Variants in NDUFAF6 observed in about 807,000 individuals in gnomAD.
The protein encoded by NDUFAF6 is NADH dehydrogenase (ubiquinone) complex I, assembly factor 6.
In NDUFAF6, 45 loss-of-function variants were observed where a neutral mutation model predicts 40.8. The ratio of observed to expected loss-of-function variants is 1.10; its 90% CI spans 0.87 to 1.42. NDUFAF6 has a LOEUF of 1.42. NDUFAF6 is among the 40% of genes most tolerant of loss of function. The pLI is 0.00. For synonymous variants in NDUFAF6, 185 were observed against 155.9 expected (o/e 1.19, Z -1.39); for missense variants, 435 against 418.5 (o/e 1.04, Z -0.34).
intron 1 of NDUFAF6, chr8:94,926,946 A>C (rs561681972): frequency 6.6e-6 from 1 of 152,374 alleles, no homozygotes; most frequent in South Asian, 2.1e-4. Context: ...GGCTGATGGC[A>C]GTGAAACCAT....
Position 94,931,625 on chromosome 8 carries a change from A to G in NDUFAF6, c.-935-13858A>G, listed in dbSNP as rs556470200. 2.3e-5 allele frequency among the ~76,000 whole-genome samples: 3 copies of G among 127,872 alleles called. No individual in the cohort carries two copies. In the South Asian group the frequency reaches 7.7e-4, roughly 33 times the overall value. The allele number at this position is 127,872 out of a possible 152,430, so 83.9% of individuals were successfully genotyped here. ...ACACACACACATAAAATTTTTTTAA[A>G]GTAGAATTTTAAGAGGCCACAATAA... On this transcript the variant is annotated intron_variant, in intron 1 of 14. Coordinates refer to the NDUFAF6 transcript ENST00000396113.
chr8:94,930,398 C>T, intron 1 of NDUFAF6: 1 of 1,551,522 alleles, frequency 6.4e-7, no homozygotes, highest in Non-Finnish European at 8.7e-7. Context: ...TGTAAAGAGA[C>T]AACATTTTCA....
downstream of NDUFAF6, among the ~76,000 whole-genome samples, chr8:95,061,416 A>G (rs1832568917): frequency 6.6e-6 from 1 of 152,216 alleles, no homozygotes; most frequent in Non-Finnish European, 1.5e-5. Flanking sequence ...TTCTTTACTG[A>G]AAATAAAACA....
At chr8:94,980,434 GTTTTTTTGTTTTTTTTT>G (rs1825323295) in intron 1 of NDUFAF6, among the ~76,000 whole-genome samples, 1 of 137,350 alleles carries the variant, frequency 7.3e-6, no homozygotes, top group Admixed American at 7.2e-5. Context: ...GTCAACTGTG[GTTTTTTTGTTTTTTTTT>G]TTTTTTTTTT....
Position 94,909,388 on chromosome 8 carries a change from C to T in NDUFAF6, c.-936+13461C>T, listed in dbSNP as rs1421984044. Among the ~76,000 whole-genome samples the T allele has an allele frequency of 9.5e-5, 5 of 52,802 alleles. No homozygotes were observed. The East Asian group carries it at 3.8e-3, about 40-fold the overall frequency. 34.6% of individuals were successfully genotyped at this position (52,802 alleles called of 152,430 possible). A position where few individuals can be genotyped will look rare whatever the true frequency, so the allele number is the denominator to read the frequency against. ...AAAAAAAAAAAAAAAAAAAACACTT[C>T]GGGAGGCCAAGGCGGATCACAAGGT... On this transcript the variant is annotated intron_variant, in intron 1 of 14. Coordinates refer to the NDUFAF6 transcript ENST00000396113.
At chr8:95,058,725 C>T (rs909120206), downstream of NDUFAF6, 41 of 996,598 alleles carry the variant, frequency 4.1e-5, 1 homozygote, top group African/African-American at 2.9e-4. Flanking sequence ...GTACATTCTG[C>T]GCTATACATT....
At chr8:94,953,503 T>A (rs1189090397), upstream of NDUFAF6, among the ~76,000 whole-genome samples, 5 of 152,238 alleles carry the variant, frequency 3.3e-5, no homozygotes, top group East Asian at 9.6e-4. Context: ...GGGGCAGATG[T>A]GACTCGTTCT....
intron 1 of NDUFAF6, chr8:95,100,633 G>A (rs1232949504): frequency 2.0e-5 from 3 of 152,194 alleles, no homozygotes; most frequent in African/African-American, 7.2e-5. Context: ...AGCTATATTA[G>A]TTCAGAAGGG....
upstream of NDUFAF6, among the ~76,000 whole-genome samples, chr8:94,954,006 A>G (rs1822857296): frequency 6.6e-6 from 1 of 151,934 alleles, no homozygotes; most frequent in South Asian, 2.1e-4. Flanking sequence ...TTCCTCTTTG[A>G]TAGGAGTAGG....
chr8:94,936,119 CAT>C (rs559336021), intron 1 of NDUFAF6, among the ~76,000 whole-genome samples: 30 of 152,294 alleles, frequency 2.0e-4, no homozygotes, highest in African/African-American at 2.6e-4. Flanking sequence ...AGAATTTCCA[CAT>C]GAGAGGCATT....
At chr8:95,095,917 G>A (rs763854785), upstream of NDUFAF6, among the ~76,000 whole-genome samples, 4 of 152,050 alleles carry the variant, frequency 2.6e-5, no homozygotes, top group Non-Finnish European at 4.4e-5. Flanking sequence ...CGCCTGTCTC[G>A]GCCTCCTAAA....
intron 1 of NDUFAF6, chr8:94,940,290 T>C (rs996731882): frequency 5.3e-6 from 8 of 1,502,204 alleles, no homozygotes; most frequent in Non-Finnish European, 7.1e-6. Flanking sequence ...ATTATCACAT[T>C]GGGCAGTCAT....
downstream of NDUFAF6, among the ~76,000 whole-genome samples, chr8:95,063,497 T>C (rs1227162599): frequency 6.6e-6 from 1 of 152,170 alleles, no homozygotes; most frequent in Non-Finnish European, 1.5e-5. Flanking sequence ...CTTAGGCGGC[T>C]GAGGTAGGAG....
At chr8:94,953,757 C>T (rs1822833474), upstream of NDUFAF6, among the ~76,000 whole-genome samples, 1 of 152,202 alleles carries the variant, frequency 6.6e-6, no homozygotes, top group Non-Finnish European at 1.5e-5. Flanking sequence ...CTTACATAAG[C>T]CACACACTGC....
At chr8:95,007,669 T>G (rs1443273404) in intron 2 of NDUFAF6, among the ~76,000 whole-genome samples, 8 of 150,020 alleles carry the variant, frequency 5.3e-5, no homozygotes, top group South Asian at 2.1e-4. Flanking sequence ...GTTTTTTTTT[T>G]TTTTTTTTTT....
At chr8:95,101,643 T>C (rs752105437) in intron 2 of NDUFAF6, among the ~76,000 whole-genome samples, 3 of 152,240 alleles carry the variant, frequency 2.0e-5, no homozygotes, top group Non-Finnish European at 4.4e-5. Flanking sequence ...TGCTTTCACG[T>C]GATGGACACA....
upstream of NDUFAF6, among the ~76,000 whole-genome samples, chr8:94,953,472 G>T (rs931615425): frequency 6.6e-6 from 1 of 152,198 alleles, no homozygotes; most frequent in African/African-American, 2.4e-5. Flanking sequence ...GAGCCATGAA[G>T]CTTGAAGAGG....
At chr8:95,082,194 A>G (rs1197475121) in intron 2 of NDUFAF6, among the ~76,000 whole-genome samples, 3 of 148,680 alleles carry the variant, frequency 2.0e-5, no homozygotes, top group African/African-American at 7.4e-5. Context: ...GAAAAGAATT[A>G]GGCTGGGTGC....
rs559270960 is a variant in NDUFAF6 at position 94,897,153 on chromosome 8, A to G, written c.-936+1226A>G. On this transcript the variant is annotated intron_variant, in intron 1 of 14. Transcript: ENST00000396113. ...GGCCCTCGTGGTTGAATTTGATAAA[A>G]TATACTGAAAACCAGTATGTCGAGT... is the stretch of plus-strand genomic sequence containing the variant. Among the ~76,000 whole-genome samples, 2 of 152,358 alleles carry G rather than the reference A, an allele frequency of 1.3e-5. 1 individual carries two copies. Among genetic ancestry groups the G allele is most frequent in the African/African-American group, 4.8e-5 (2 of 41,594 alleles).
Sources: gnomAD v4.1 joint callset for allele counts (sites outside exome capture counted in the v4.1 genomes callset) on GRCh38, gnomAD v4.1.1 for gene constraint, MANE v1.5 for transcripts, NCBI Gene and HGNC (gene_info 2026-07-23, HGNC 2026-07-21) for gene names.